The following RBM6 variants were observed in gnomAD, a reference collection of about 807,000 sequenced individuals.
RBM6 encodes RNA-binding protein 6.
A neutral mutation model predicts 140.4 loss-of-function variants in RBM6; 23 were observed. That is an observed-to-expected ratio of 0.16 (90% CI 0.12 to 0.23). RBM6 has a LOEUF of 0.23. Among genes scored for constraint, RBM6 ranks in the 10% least tolerant of loss-of-function variants. The probability of loss-of-function intolerance (pLI) is 1.00; values close to 1 mark genes in which losing one functional copy is unlikely to be tolerated. For missense variants in RBM6, 1,139 were observed against 1,386.7 expected, an observed-to-expected ratio of 0.82 and a Z score of 2.84; for synonymous variants, 439 against 475.6, an observed-to-expected ratio of 0.92 and a Z score of 1.00.
chr3:50,003,096 CAG>C, intron 6 of RBM6, among the ~76,000 whole-genome samples: 1 of 151,976 alleles, frequency 6.6e-6, no homozygotes, highest in East Asian at 1.9e-4. Flanking sequence ...AGCCTGCTGA[CAG>C]AGCAAGACTC....
intron 1 of RBM6, among the ~76,000 whole-genome samples, chr3:49,950,626 A>G (rs2083689974): frequency 6.6e-6 from 1 of 152,010 alleles, no homozygotes; most frequent in Non-Finnish European, 1.5e-5. Context: ...GTGGTGGTGC[A>G]TGCCTGTAAT....
intron 9 of RBM6, 80 bp downstream of exon 9, chr3:50,058,083 A>G (rs1276156561): frequency 7.3e-6 from 11 of 1,503,184 alleles, no homozygotes; most frequent in East Asian, 2.4e-5. Context: ...TCCGGGAGCT[A>G]TCTGCTTTCC....
chr3:49,973,175 C>A (rs2084883571), intron 4 of RBM6, among the ~76,000 whole-genome samples: 1 of 152,172 alleles, frequency 6.6e-6, no homozygotes. Context: ...GTTGCCCAGG[C>A]TGGAGTGCAG....
rs183438345 is a variant in RBM6, at chr3:50,038,920, T to C, written c.1558-9325T>C. ...AGGTGGGGGATGTCCCTAATTGCAG[T>C]AGGAGAGAGCCTCTCTTTTATCTGG... On this transcript the variant is annotated intron_variant, in intron 6 of 20. Transcript: ENST00000266022. Among the ~76,000 whole-genome samples, 5 of 152,320 alleles carry C rather than the reference T, an allele frequency of 3.3e-5. No individual in the cohort carries two copies. In the East Asian group the frequency reaches 9.6e-4, roughly 29 times the overall value.
At position 50,075,276 on chromosome 3, in the gene RBM6, G is replaced by T. The variant is rs749491149; in HGVS notation, c.3192G>T (p.Trp1064Cys). 1 of 1,614,236 alleles carries T rather than the reference G, an allele frequency of 6.2e-7. No individual in the cohort carries two copies. The change falls in exon 20 of 21, where the codon TGG (tryptophan) becomes TGT (cysteine). Residue 1064 changes from tryptophan (W) to cysteine (C), a missense_variant. Trp to Cys is a radical substitution (Grantham distance 215). Transcript: ENST00000266022. The part of the protein sequence containing the change: ...KGGCVQQATG[W>C]RKGTGLGYGH... ...GCTGTGTCCAACAGGCTACTGGCTG[G>T]AGGAAAGGGACAGGCCTGGGATATG...
chr3:49,982,248 ATTTCTTTTCT>A (rs1467741375), intron 5 of RBM6, among the ~76,000 whole-genome samples: 1 of 95,914 alleles, frequency 1.0e-5, no homozygotes, highest in Non-Finnish European at 2.1e-5. Flanking sequence ...TACCTTCTGC[ATTTCTTTTCT>A]TTTCTTTTTT....
chr3:50,054,501 T>A, intron 8 of RBM6, 106 bp downstream of exon 8: 1 of 987,872 alleles, frequency 1.0e-6, no homozygotes, highest in Non-Finnish European at 1.6e-6. Flanking sequence ...CAAGTTGATC[T>A]ACAAACCTTT....
At chr3:49,987,166 G>T (rs1213321985) in intron 5 of RBM6, among the ~76,000 whole-genome samples, 1 of 150,984 alleles carries the variant, frequency 6.6e-6, no homozygotes, top group African/African-American at 2.4e-5. Context: ...TCTGCTTCTC[G>T]GGTTCAAGCA....
intron 1 of RBM6, among the ~76,000 whole-genome samples, chr3:49,960,761 A>G (rs557517988): frequency 6.6e-6 from 1 of 152,274 alleles, no homozygotes; most frequent in African/African-American, 2.4e-5. Context: ...ATGGTGTCCG[A>G]TCAGGTCTGA....
intron 5 of RBM6, among the ~76,000 whole-genome samples, chr3:49,979,075 T>C (rs566671070): frequency 6.6e-6 from 1 of 152,274 alleles, no homozygotes; most frequent in East Asian, 1.9e-4. Context: ...GAAACTAGAC[T>C]CATAAGGATA....
Position 49,967,910 on chromosome 3 carries a change from C to G in RBM6, c.485C>G (p.Ala162Gly). 1 of 1,613,850 alleles carries G rather than the reference C, an allele frequency of 6.2e-7. No homozygotes were observed. Among genetic ancestry groups the G allele is most frequent in the Non-Finnish European group, 8.5e-7 (1 of 1,179,820 alleles). The change falls in exon 3 of 21, where the codon GCT (alanine) becomes GGT (glycine). Residue 162 changes from alanine to glycine, a missense_variant. Physicochemically the swap from Ala to Gly is moderately conservative, Grantham distance 60 (BLOSUM62 0). Coordinates refer to ENST00000266022, the MANE Select transcript of RBM6 (RefSeq NM_005777.3). This position sits in a 1 kb window ranked among gnomAD's most constrained non-coding sequence, Gnocchi z 4.0. The stretch of plus-strand genomic sequence containing the variant: ...AACTACAGAGACAGGGATGCTCACG[C>G]TGTTGACTTCAGAGGTAGGGATGCT... ...HMNYRDRDAHAVDFRGRDAPP... is the reference protein window; with the variant it reads ...HMNYRDRDAHGVDFRGRDAPP...
chr3:50,028,345 C>T (rs761087434), intron 6 of RBM6, among the ~76,000 whole-genome samples: 2 of 152,066 alleles, frequency 1.3e-5, no homozygotes, highest in African/African-American at 2.4e-5. Flanking sequence ...TTGATTCCTG[C>T]GTACTGTGAA....
chr3:50,044,471 T>C (rs1480811959), intron 6 of RBM6, among the ~76,000 whole-genome samples: 2 of 151,376 alleles, frequency 1.3e-5, no homozygotes, highest in African/African-American at 2.4e-5. Flanking sequence ...AAATACAAGC[T>C]ACTCGAGAGG....
chr3:50,055,914 T>C (rs2089677563), intron 8 of RBM6, among the ~76,000 whole-genome samples: 1 of 152,192 alleles, frequency 6.6e-6, no homozygotes, highest in African/African-American at 2.4e-5. Flanking sequence ...GACACATGCA[T>C]CCATAACAAC....
chr3:50,021,939 C>A (rs1575718789), intron 6 of RBM6, among the ~76,000 whole-genome samples: 1 of 151,274 alleles, frequency 6.6e-6, no homozygotes, highest in African/African-American at 2.4e-5. Context: ...ATCGTAGCTT[C>A]TCTAGAGAAG....
At chr3:49,986,346 G>T (rs1310995376) in intron 5 of RBM6, among the ~76,000 whole-genome samples, 1 of 151,470 alleles carries the variant, frequency 6.6e-6, no homozygotes, top group Non-Finnish European at 1.5e-5. Flanking sequence ...TGTGATCCCA[G>T]CACTTTGGGA....
intron 6 of RBM6, chr3:50,047,072 C>A: frequency 1.5e-6 from 1 of 675,772 alleles, no homozygotes; most frequent in Non-Finnish European, 1.8e-6. Context: ...ATGCTAAGAC[C>A]TAGGTAGATG....
At chr3:50,023,297 C>T (rs958556441) in intron 6 of RBM6, among the ~76,000 whole-genome samples, 1 of 151,880 alleles carries the variant, frequency 6.6e-6, no homozygotes, top group African/African-American at 2.4e-5. Flanking sequence ...GGAGTTTTCT[C>T]TCAGTTACTT....
chr3:50,056,862 A>G (rs2089723600), intron 8 of RBM6, among the ~76,000 whole-genome samples: 1 of 152,178 alleles, frequency 6.6e-6, no homozygotes, highest in Non-Finnish European at 1.5e-5. Context: ...ACGTCTGCCC[A>G]TTATGTTTAT....
Sources: allele counts gnomAD v4.1 joint callset (sites outside exome capture counted in the v4.1 genomes callset), GRCh38; gene constraint gnomAD v4.1.1; non-coding constraint Gnocchi (gnomAD v3.1); transcripts MANE v1.5; gene names NCBI Gene and HGNC (gene_info 2026-07-23, HGNC 2026-07-21).